The following WASF3 variants were observed in gnomAD, a reference collection of about 807,000 sequenced individuals.
The protein encoded by WASF3 is actin-binding protein WASF3.
In WASF3, 11 loss-of-function variants were observed where a neutral mutation model predicts 46.6. That is an observed-to-expected ratio of 0.24 (90% CI 0.15 to 0.39). WASF3 has a LOEUF of 0.39. Among genes scored for constraint, WASF3 ranks in the 10% least tolerant of loss-of-function variants. WASF3 has a pLI of 1.00. For missense variants in WASF3, 576 were observed against 669.8 expected (o/e 0.86, Z 1.55); for synonymous variants, 242 against 259.7 (o/e 0.93, Z 0.65).
At chr13:26,549,514 G>A in the WASF3 span, among the ~76,000 whole-genome samples, 1 of 152,164 alleles carries the variant, frequency 6.6e-6, no homozygotes, top group Non-Finnish European at 1.5e-5. Flanking sequence ...GGATCACAAC[G>A]TTGAGTAAAA....
chr13:26,554,092 C>CTTTTCTTTCT (rs1443126879), upstream of WASF3, among the ~76,000 whole-genome samples: 2 of 23,278 alleles, frequency 8.6e-5, no homozygotes, highest in South Asian at 4.1e-3. Context: ...TCCTTCCTTC[C>CTTTTCTTTCT]TTCCTTCTTT....
rs56205332 is a variant in WASF3, at chr13:26,673,166, G to A, written c.540+1177G>A. On this transcript the variant is annotated intron_variant, in intron 6 of 9. Coordinates refer to ENST00000335327, the MANE Select transcript of WASF3 (RefSeq NM_006646.6). ...GCTGGGGCTTACCTGCCTTTAAAAT[G>A]TGCCTGTTTTTTTAAAAGGCCTTCT... 8.8e-3 allele frequency among the ~76,000 whole-genome samples: 1,340 copies of A among 152,148 alleles called. 28 individuals are homozygous for A. Among genetic ancestry groups the A allele is most frequent in the African/African-American group, 0.03 (1,231 of 41,508 alleles).
rs17084492 is a variant in WASF3 at position 26,682,867 on chromosome 13, C to T, written c.1244C>T (p.Ser415Leu). 0.022 allele frequency: 35,766 copies of T among 1,611,588 alleles called. 722 individuals are homozygous for T. Among genetic ancestry groups the T allele is most frequent in the African/African-American group, 0.075 (5,653 of 74,876 alleles). ...PGPPGPGSSL[S>L]SSPMHGPPVA... ...CCTCCTGGTCCCGGGTCTTCTCTTT[C>T]GTCCTCCCCAATGCATGGCCCCCCA... The change falls in exon 9 of 10, where the codon TCG (serine) becomes TTG (leucine). Residue 415 changes from serine to leucine, a missense_variant. This residue lies in a region of WASF3 where 295 missense variants were observed against 291.5 expected (regional missense o/e 1.01). Transcript: ENST00000335327. The surrounding 1 kb of genome is among the most constrained non-coding windows in gnomAD (Gnocchi z 4.4).
At chr13:26,570,893 A>G (rs746479868) in intron 1 of WASF3, among the ~76,000 whole-genome samples, 8 of 152,164 alleles carry the variant, frequency 5.3e-5, no homozygotes, top group Non-Finnish European at 7.3e-5. Flanking sequence ...CTTCATAGAG[A>G]TTGTACCATT....
At chr13:26,621,847 G>A (rs1052643109) in intron 2 of WASF3, among the ~76,000 whole-genome samples, 2 of 152,062 alleles carry the variant, frequency 1.3e-5, no homozygotes, top group African/African-American at 4.8e-5. Context: ...TTTGGGAGTT[G>A]TCAGTAGGCA....
chr13:26,597,394 G>A (rs920300832), intron 1 of WASF3, among the ~76,000 whole-genome samples: 1 of 152,268 alleles, frequency 6.6e-6, no homozygotes, highest in South Asian at 2.1e-4. Context: ...CTGGGCCTCC[G>A]AAAGTGCTGG....
At chr13:26,582,793 C>T (rs567021822) in intron 1 of WASF3, among the ~76,000 whole-genome samples, 2 of 150,904 alleles carry the variant, frequency 1.3e-5, no homozygotes, top group African/African-American at 4.9e-5. Context: ...AGAAAATTTC[C>T]CAGTAACTGG....
chr13:26,657,514 C>T (rs1199681953), intron 3 of WASF3, among the ~76,000 whole-genome samples: 2 of 152,174 alleles, frequency 1.3e-5, no homozygotes, highest in Non-Finnish European at 2.9e-5. Flanking sequence ...GAAGCCTCTC[C>T]CGGGTTACAT....
At chr13:26,611,290 T>G (rs1398298671) in intron 1 of WASF3, among the ~76,000 whole-genome samples, 1 of 152,206 alleles carries the variant, frequency 6.6e-6, no homozygotes, top group Admixed American at 6.5e-5. Flanking sequence ...ATTACCTGCC[T>G]GTGAGGACTA....
intron 1 of WASF3, among the ~76,000 whole-genome samples, chr13:26,611,031 CTTT>C (rs71080282): frequency 3.6e-5 from 4 of 110,572 alleles, no homozygotes; most frequent in South Asian, 3.5e-4. Context: ...TTACTTACTC[CTTT>C]TTTTTTTTTT....
chr13:26,652,147 C>T (rs182090122), intron 3 of WASF3, among the ~76,000 whole-genome samples: 1 of 152,208 alleles, frequency 6.6e-6, no homozygotes, highest in Non-Finnish European at 1.5e-5. Context: ...AAAAGTGAGA[C>T]TAAAATACAT....
intron 1 of WASF3, among the ~76,000 whole-genome samples, chr13:26,593,455 G>A (rs1880364843): frequency 6.6e-6 from 1 of 152,030 alleles, no homozygotes; most frequent in Admixed American, 6.6e-5. Flanking sequence ...CCTGAAATTT[G>A]CTTTGTTTTA....
chr13:26,677,922 A>G (rs569252261), intron 7 of WASF3, among the ~76,000 whole-genome samples: 2 of 152,252 alleles, frequency 1.3e-5, no homozygotes, highest in South Asian at 4.1e-4. Flanking sequence ...TTTATCCTAT[A>G]TAGACTTTTC....
rs574769272 is a variant in WASF3 at position 26,686,372 on chromosome 13, T to C, written c.*527T>C. 2.0e-5 allele frequency: 3 copies of C among 152,938 alleles called. No homozygotes were observed. Among genetic ancestry groups the C allele is most frequent in the African/African-American group, 7.2e-5 (3 of 41,600 alleles). 9.5% of individuals were successfully genotyped at this position (152,938 alleles called of 1,614,324 possible). On this transcript the variant is annotated 3_prime_UTR_variant, in exon 10 of 10. Transcript: ENST00000335327. Reference sequence around the variant, plus strand: ...AACAGGGAGAATCCAGTGTTTCTGCTTTCAGTTTCTTGGCTTGGTAGCCTC... The same window carrying C: ...AACAGGGAGAATCCAGTGTTTCTGCCTTCAGTTTCTTGGCTTGGTAGCCTC...
In WASF3 at chr13:26,633,200, C is replaced by CTTTTTTTTTTTTTTTTTTTT. The variant is rs58237286; in HGVS notation, c.-10-9045_-10-9044insTTTTTTTTTTTTTTTTTTTT. ...AGTTCTGTTTTGATCTTAGTTATTT[C>CTTTTTTTTTTTTTTTTTTTT]TTTTTTTTTTTTTTTTCTTGAGGCA... On this transcript the variant is annotated intron_variant, in intron 2 of 9. Coordinates refer to ENST00000335327, the MANE Select transcript of WASF3 (RefSeq NM_006646.6). Among the ~76,000 whole-genome samples the CTTTTTTTTTTTTTTTTTTTT allele has an allele frequency of 8.4e-4, 76 of 90,422 alleles. 1 individual carries two copies. Among genetic ancestry groups the CTTTTTTTTTTTTTTTTTTTT allele is most frequent in the Non-Finnish European group, 1.1e-3 (55 of 47,916 alleles). 59.3% of individuals were successfully genotyped at this position (90,422 alleles called of 152,430 possible).
chr13:26,602,556 G>A (rs1880672501), intron 1 of WASF3, among the ~76,000 whole-genome samples: 1 of 152,096 alleles, frequency 6.6e-6, no homozygotes, highest in Admixed American at 6.5e-5. Flanking sequence ...GTACTGCTGT[G>A]TTTGTCAGTT....
intron 2 of WASF3, among the ~76,000 whole-genome samples, chr13:26,616,337 A>G (rs186946412): frequency 3.0e-4 from 45 of 152,178 alleles, no homozygotes; most frequent in Non-Finnish European, 6.3e-4. Context: ...TGCGGTTTTA[A>G]TTTGCCTCTC....
In WASF3 at chr13:26,688,085, T is replaced by G. The variant is rs1406357655; in HGVS notation, c.*2240T>G. On this transcript the variant is annotated 3_prime_UTR_variant, in exon 10 of 10. Coordinates refer to ENST00000335327, the MANE Select transcript of WASF3 (RefSeq NM_006646.6). ...CAATTTTATGACTTGCGAAAAAGCTTTTGCCCTGTTGTGTACCATAACATT... is the reference window on the plus strand; with the variant it reads ...CAATTTTATGACTTGCGAAAAAGCTGTTGCCCTGTTGTGTACCATAACATT... 1.3e-5 allele frequency: 2 copies of G among 152,220 alleles called. No homozygotes were observed. The highest frequency in any genetic ancestry group is 2.4e-5 in the African/African-American group (1 of 41,456). The allele number at this position is 152,220 out of a possible 1,614,324, so 9.4% of individuals were successfully genotyped here.
rs939657916 is a variant in WASF3 at position 26,663,984 on chromosome 13, C to T, written c.134-1044C>T. Among the ~76,000 whole-genome samples the T allele has an allele frequency of 7.2e-5, 11 of 152,300 alleles. No individual in the cohort carries two copies. The South Asian group carries it at 1.0e-3, about 14-fold the overall frequency. ...AAACATTAACTTCCTGTTTACCTCC[C>T]GGGCTCACTTATTCATTGAACAGGT... On this transcript the variant is annotated intron_variant, in intron 3 of 9. Coordinates refer to ENST00000335327, the MANE Select transcript of WASF3 (RefSeq NM_006646.6).
Sources: gnomAD v4.1 joint callset for allele counts (sites outside exome capture counted in the v4.1 genomes callset) on GRCh38, gnomAD v4.1.1 for gene constraint, gnomAD v4.1.1 regional missense constraint, Gnocchi (gnomAD v3.1) non-coding constraint, MANE v1.5 for transcripts, NCBI Gene and HGNC (gene_info 2026-07-23, HGNC 2026-07-21) for gene names.